The following DSE variants were observed in gnomAD, a reference collection of about 807,000 sequenced individuals.
DSE encodes the protein dermatan sulfate epimerase, also known as dermatan-sulfate epimerase.
DSE carries 36 observed loss-of-function variants against 84.4 expected under a neutral mutation model. That is an observed-to-expected ratio of 0.43 (90% CI 0.33 to 0.56). The LOEUF (loss-of-function observed/expected upper bound fraction) is 0.56. Ranked by LOEUF, DSE falls within the 20% of genes least tolerant of loss-of-function variation. The probability of loss-of-function intolerance (pLI) is 0.06; values close to 1 mark genes in which losing one functional copy is unlikely to be tolerated. For missense variants in DSE, 862 were observed against 1,169.6 expected, an observed-to-expected ratio of 0.74 and a Z score of 3.84; for synonymous variants, 410 against 430.1, an observed-to-expected ratio of 0.95 and a Z score of 0.58.
chr6:116,373,779 T>C (rs1346471073), intron 1 of DSE, among the ~76,000 whole-genome samples: 1 of 152,222 alleles, frequency 6.6e-6, no homozygotes, highest in African/African-American at 2.4e-5. Flanking sequence ...AGATCACTGA[T>C]GAAAGTGCAT....
chr6:116,281,620 A>G (rs1773543476), intron 2 of DSE, among the ~76,000 whole-genome samples: 1 of 152,256 alleles, frequency 6.6e-6, no homozygotes, highest in Non-Finnish European at 1.5e-5. Flanking sequence ...AAGCCTAAAC[A>G]TACCACAAAC....
chr6:116,380,593 A>G (rs1442174581), intron 1 of DSE, among the ~76,000 whole-genome samples: 1 of 152,158 alleles, frequency 6.6e-6, no homozygotes, highest in Non-Finnish European at 1.5e-5. Flanking sequence ...TTCAGGGAAA[A>G]GTCATGGGAA....
chr6:116,320,954 T>C (rs993795099), intron 2 of DSE, among the ~76,000 whole-genome samples: 1 of 152,172 alleles, frequency 6.6e-6, no homozygotes, highest in Admixed American at 6.5e-5. Context: ...AGAAGGAGTG[T>C]ACTAAGGCGA....
intron 2 of DSE, among the ~76,000 whole-genome samples, chr6:116,285,350 C>T (rs1773824361): frequency 6.6e-6 from 1 of 152,164 alleles, no homozygotes; most frequent in Non-Finnish European, 1.5e-5. Context: ...ATCCCTCGCC[C>T]ACTTTTTGAT....
At position 116,440,496 on chromosome 6, in the gene DSE, C is replaced by T. The variant is rs1784392326; in HGVS notation, c.*3151C>T. ...AAAATTTTTGATAGTTCACAAACCA[C>T]TCACAAAAGAATCTGAAATTTCTCC... is the stretch of plus-strand genomic sequence containing the variant. On this transcript the variant is annotated 3_prime_UTR_variant, in exon 6 of 6. Transcript: ENST00000644252. 1 of 152,114 alleles carries T rather than the reference C, an allele frequency of 6.6e-6. No homozygotes were observed. The highest frequency in any genetic ancestry group is 1.5e-5 in the Non-Finnish European group (1 of 68,020). 9.4% of individuals were successfully genotyped at this position (152,114 alleles called of 1,614,324 possible).
In DSE at chr6:116,314,705, ATTTAT is replaced by A. The variant is rs756224664; in HGVS notation, c.-54+55744_-54+55748del. Among the ~76,000 whole-genome samples, 12 of 152,242 alleles carry A rather than the reference ATTTAT, an allele frequency of 7.9e-5. No individual in the cohort carries two copies. The East Asian group carries it at 1.9e-3, about 24-fold the overall frequency. On this transcript the variant is annotated intron_variant, in intron 2 of 3. Transcript: ENST00000430252. ...TATTACATATTAAATTATGTCAAAGATTTATTTTATAGTTTCTTTTACATTTTTCC... is the reference window on the plus strand; with the variant it reads ...TATTACATATTAAATTATGTCAAAGATTTATAGTTTCTTTTACATTTTTCC...
At chr6:116,295,106 A>G (rs1338099326) in intron 2 of DSE, among the ~76,000 whole-genome samples, 1 of 152,148 alleles carries the variant, frequency 6.6e-6, no homozygotes, top group Non-Finnish European at 1.5e-5. Flanking sequence ...TACAAGCTGA[A>G]CACAGAAAAA....
intron 3 of DSE, among the ~76,000 whole-genome samples, chr6:116,428,483 T>C (rs1297281402): frequency 6.6e-6 from 1 of 152,204 alleles, no homozygotes. Context: ...TGACCCAAAA[T>C]ACTGGTTTGG....
At chr6:116,335,083 A>G (rs929475730) in intron 2 of DSE, among the ~76,000 whole-genome samples, 30 of 152,324 alleles carry the variant, frequency 2.0e-4, no homozygotes, top group Admixed American at 1.2e-3. Context: ...ATGTATGTTC[A>G]TTGCAGCACT....
intron 2 of DSE, chr6:116,279,326 C>G: frequency 6.2e-7 from 1 of 1,610,732 alleles, no homozygotes; most frequent in East Asian, 2.2e-5. Context: ...CTCTCCCTCT[C>G]AGCCACGGCT....
chr6:116,334,350 C>G (rs1337672892), intron 2 of DSE, among the ~76,000 whole-genome samples: 1 of 152,176 alleles, frequency 6.6e-6, no homozygotes, highest in Non-Finnish European at 1.5e-5. Flanking sequence ...CCTTATTTTT[C>G]CATTTGAAGT....
chr6:116,284,005 G>A (rs982893437), intron 2 of DSE, among the ~76,000 whole-genome samples: 4 of 152,146 alleles, frequency 2.6e-5, no homozygotes, highest in Admixed American at 6.5e-5. Context: ...TTAAAATATA[G>A]GATAAATTGG....
intron 4 of DSE, among the ~76,000 whole-genome samples, chr6:116,431,584 T>A (rs1434735679): frequency 6.6e-6 from 1 of 152,166 alleles, no homozygotes; most frequent in Non-Finnish European, 1.5e-5. Flanking sequence ...CCTATTTTAA[T>A]TTTTGGTTTT....
chr6:116,365,527 A>C (rs1280767613), upstream of DSE, among the ~76,000 whole-genome samples: 2 of 152,230 alleles, frequency 1.3e-5, no homozygotes, highest in African/African-American at 4.8e-5. Context: ...TGCTGGGATC[A>C]CAGCCGTGAG....
At chr6:116,308,584 A>G (rs1406797175) in intron 2 of DSE, among the ~76,000 whole-genome samples, 2 of 152,206 alleles carry the variant, frequency 1.3e-5, no homozygotes, top group African/African-American at 4.8e-5. Context: ...CTTACTAGCT[A>G]TATTTTTAAA....
upstream of DSE, chr6:116,370,270 C>T (rs1335532238): frequency 1.3e-5 from 3 of 228,812 alleles, no homozygotes; most frequent in South Asian, 7.2e-5. Context: ...TGCTTTGCTC[C>T]TGACCTTCTG....
intron 2 of DSE, among the ~76,000 whole-genome samples, chr6:116,342,281 G>GC (rs1777646823): frequency 7.5e-6 from 1 of 133,662 alleles, no homozygotes; most frequent in African/African-American, 2.8e-5. Context: ...TATTGTTGCT[G>GC]TTTTTTTTTT....
At chr6:116,312,932 A>G (rs1232653491) in intron 2 of DSE, among the ~76,000 whole-genome samples, 1 of 152,166 alleles carries the variant, frequency 6.6e-6, no homozygotes, top group East Asian at 1.9e-4. Context: ...CAAGAGATTA[A>G]TGAGTGAGGG....
chr6:116,287,279 T>G (rs894612576), intron 2 of DSE, among the ~76,000 whole-genome samples: 5 of 152,112 alleles, frequency 3.3e-5, no homozygotes, highest in African/African-American at 1.2e-4. Flanking sequence ...GAGCCAAACT[T>G]TCAGTAAATT....
Sources: allele counts gnomAD v4.1 joint callset (sites outside exome capture counted in the v4.1 genomes callset), GRCh38; gene constraint gnomAD v4.1.1; transcripts MANE v1.5; gene names NCBI Gene and HGNC (gene_info 2026-07-23, HGNC 2026-07-21).